Variants in HS1BP3 observed in about 807,000 individuals in gnomAD.
The protein encoded by HS1BP3 is HCLS1-binding protein 3.
In HS1BP3, 32 loss-of-function variants were observed where a neutral mutation model predicts 33.5. That is an observed-to-expected ratio of 0.95 (90% CI 0.72 to 1.28). HS1BP3 has a LOEUF of 1.28. Ranked by LOEUF, HS1BP3 falls within the 50% of genes most tolerant of loss-of-function variation. HS1BP3 has a pLI of 0.00. For missense variants in HS1BP3, 486 were observed against 502.3 expected, an observed-to-expected ratio of 0.97 and a Z score of 0.31; for synonymous variants, 187 against 209.2, an observed-to-expected ratio of 0.89 and a Z score of 0.92.
At chr2:20,649,945 A>T (rs1695637672) in intron 1 of HS1BP3, among the ~76,000 whole-genome samples, 1 of 152,230 alleles carries the variant, frequency 6.6e-6, no homozygotes, top group East Asian at 1.9e-4. Flanking sequence ...TGAGGGGCAT[A>T]TACTACTGAC....
At chr2:20,560,026 C>T (rs1162050079), downstream of HS1BP3, among the ~76,000 whole-genome samples, 6 of 152,154 alleles carry the variant, frequency 3.9e-5, no homozygotes, top group African/African-American at 1.4e-4. Context: ...AGTCAGCTTG[C>T]ACACTGGGGA....
At position 20,643,455 on chromosome 2, in the gene HS1BP3, TTA is replaced by T. The variant is rs1386130021; in HGVS notation, c.198+1883_198+1884del. Among the ~76,000 whole-genome samples, 9 of 152,282 alleles carry T rather than the reference TTA, an allele frequency of 5.9e-5. No individual in the cohort carries two copies. In the South Asian group the frequency reaches 1.9e-3, roughly 32 times the overall value. On this transcript the variant is annotated intron_variant, in intron 2 of 6. Coordinates refer to ENST00000304031, the MANE Select transcript of HS1BP3 (RefSeq NM_022460.4). The stretch of plus-strand genomic sequence containing the variant: ...GAGCTCCAACCTGGATCAAGTCAAA[TTA>T]CCAGGAGCTGCAAAGCACCCTGTAA...
chr2:20,606,369 A>G, intron 2 of HS1BP3: 1 of 462,762 alleles, frequency 2.2e-6, no homozygotes, highest in Non-Finnish European at 4.3e-6. Flanking sequence ...CAGTTTGATG[A>G]GTCCTTTGCT....
Position 20,618,812 on chromosome 2 carries a change from T to C in HS1BP3, c.*175A>G. On this transcript the variant is annotated 3_prime_UTR_variant, in exon 7 of 7. Transcript: ENST00000304031. ...TCCCGCAGCCCGCAGGCTTCTACTT[T>C]GGCCCCACAGCCCCGGAGAAAATGG... 1 of 1,417,952 alleles carries C rather than the reference T, an allele frequency of 7.1e-7. No individual in the cohort carries two copies. Among genetic ancestry groups the C allele is most frequent in the Non-Finnish European group, 9.2e-7 (1 of 1,091,032 alleles). The allele number at this position is 1,417,952 out of a possible 1,614,324, so 87.8% of individuals were successfully genotyped here. A position where few individuals can be genotyped will look rare whatever the true frequency, so the allele number is the denominator to read the frequency against.
intron 2 of HS1BP3, among the ~76,000 whole-genome samples, chr2:20,641,980 T>C (rs752368741): frequency 7.2e-5 from 11 of 152,220 alleles, no homozygotes; most frequent in Non-Finnish European, 1.6e-4. Context: ...TGTAACCATG[T>C]GGGTGCTCAG....
Position 20,624,842 on chromosome 2 carries a change from G to A in HS1BP3, c.674C>T (p.Ser225Leu), listed in dbSNP as rs566011144. Reference sequence around the variant, plus strand: ...CTCGTCAAAGATGGTGAGCCGGGGCGAGGGCTTGGCTTTCACGGCCACTTT... The same window carrying A: ...CTCGTCAAAGATGGTGAGCCGGGGCAAGGGCTTGGCTTTCACGGCCACTTT... ...HPKVAVKAKP[S>L]PRLTIFDEEV... is the part of the protein sequence containing the mutation. Residue 225 changes from serine (S) to leucine (L), a missense_variant, in exon 5 of 7, where the codon TCG becomes TTG. Ser to Leu is a moderately radical substitution (Grantham distance 145, BLOSUM62 -2). Coordinates refer to ENST00000304031, the MANE Select transcript of HS1BP3 (RefSeq NM_022460.4). 15 of 1,613,828 alleles carry A rather than the reference G, an allele frequency of 9.3e-6. No homozygotes were observed. The Admixed American group carries it at 1.2e-4, about 13-fold the overall frequency.
rs531190534 is a variant in HS1BP3 at position 20,567,471 on chromosome 2, C to T, written c.303-6956G>A. ...GTATCCCAGTCCCCATACCCACCCT[C>T]GCCCCTGCTGGTAAGTTCGTTAAGA... On this transcript the variant is annotated intron_variant, in intron 5 of 5. Coordinates refer to the HS1BP3 transcript ENST00000446825. Among the ~76,000 whole-genome samples the T allele has an allele frequency of 2.4e-4, 37 of 152,302 alleles. No homozygotes were observed. The East Asian group carries it at 2.9e-3, about 12-fold the overall frequency.
intron 4 of HS1BP3, among the ~76,000 whole-genome samples, chr2:20,627,666 G>A (rs1344810804): frequency 6.6e-6 from 1 of 152,160 alleles, no homozygotes; most frequent in Non-Finnish European, 1.5e-5. Flanking sequence ...GGCGGCTCCA[G>A]CAGGCATGGT....
At chr2:20,628,815 T>G (rs1316557930) in intron 4 of HS1BP3, among the ~76,000 whole-genome samples, 1 of 152,076 alleles carries the variant, frequency 6.6e-6, no homozygotes, top group Non-Finnish European at 1.5e-5. Context: ...GTACAGGACC[T>G]GAGAGTCACA....
intron 5 of HS1BP3, among the ~76,000 whole-genome samples, chr2:20,571,621 G>T (rs896318899): frequency 6.6e-6 from 1 of 152,216 alleles, no homozygotes; most frequent in African/African-American, 2.4e-5. Context: ...CAGCAGCAGA[G>T]AGAGATCTTC....
intron 2 of HS1BP3, among the ~76,000 whole-genome samples, chr2:20,605,798 C>T (rs997381558): frequency 3.3e-5 from 5 of 152,186 alleles, no homozygotes; most frequent in Non-Finnish European, 7.3e-5. Flanking sequence ...CTTTATGACT[C>T]AATAATATTC....
rs1558336511 is a variant in HS1BP3, at chr2:20,618,583, C to T, written c.*404G>A. 4 of 395,342 alleles carry T rather than the reference C, an allele frequency of 1.0e-5. No homozygotes were observed. The Admixed American group carries it at 1.6e-4, about 16-fold the overall frequency. 24.5% of individuals were successfully genotyped at this position (395,342 alleles called of 1,614,324 possible). A position where few individuals can be genotyped will look rare whatever the true frequency, so the allele number is the denominator to read the frequency against. On this transcript the variant is annotated 3_prime_UTR_variant, in exon 7 of 7. Transcript: ENST00000304031. ...GCAGAGGAGGGATAGAGGCCCAGCC[C>T]CAGTTTGGGTCTGTGCTGGGGCTGG...
chr2:20,605,258 A>C (rs1178490797), intron 2 of HS1BP3, among the ~76,000 whole-genome samples: 1 of 152,046 alleles, frequency 6.6e-6, no homozygotes, highest in Non-Finnish European at 1.5e-5. Flanking sequence ...TCATCTATAG[A>C]CACAGGTTGC....
rs753102297 is a variant in HS1BP3 at position 20,618,972 on chromosome 2, G to A, written c.*15C>T. The A allele has an allele frequency of 1.9e-6, 3 of 1,608,450 alleles. No homozygotes were observed. Among genetic ancestry groups the A allele is most frequent in the African/African-American group, 1.3e-5 (1 of 74,844 alleles). On this transcript the variant is annotated 3_prime_UTR_variant, in exon 7 of 7. Transcript: ENST00000304031. ...CACAGACAGGCCTGCTGGGCCAGGG[G>A]CCAGCATGGAAGGGTCAGAAGAGGC...
At chr2:20,567,246 C>A (rs1193697335) in intron 5 of HS1BP3, among the ~76,000 whole-genome samples, 3 of 152,020 alleles carry the variant, frequency 2.0e-5, no homozygotes, top group Admixed American at 2.0e-4. Flanking sequence ...ATATGGGTGA[C>A]CCCCGGACTC....
intron 5 of HS1BP3, among the ~76,000 whole-genome samples, chr2:20,572,957 C>A (rs971668288): frequency 6.6e-6 from 1 of 152,168 alleles, no homozygotes; most frequent in Non-Finnish European, 1.5e-5. Flanking sequence ...TCCCCAGGGC[C>A]ACAGCCTACT....
intron 3 of HS1BP3, 82 bp from the exon 4 acceptor site, chr2:20,638,734 T>A: frequency 9.1e-7 from 1 of 1,099,746 alleles, no homozygotes. Flanking sequence ...CACCCTCCCA[T>A]GCCAGGATCT....
chr2:20,558,335 T>C (rs1419659084), downstream of HS1BP3, among the ~76,000 whole-genome samples: 2 of 152,176 alleles, frequency 1.3e-5, no homozygotes, highest in African/African-American at 4.8e-5. Context: ...CCAGGGAGGC[T>C]GAACCGCTTG....
At chr2:20,632,637 C>G (rs1326552670) in intron 4 of HS1BP3, among the ~76,000 whole-genome samples, 1 of 152,222 alleles carries the variant, frequency 6.6e-6, no homozygotes, top group Admixed American at 6.5e-5. Context: ...CTTGCCAGAA[C>G]TTGCCACAAC....
Sources: allele counts gnomAD v4.1 joint callset (sites outside exome capture counted in the v4.1 genomes callset), GRCh38; gene constraint gnomAD v4.1.1; transcripts MANE v1.5; gene names NCBI Gene and HGNC (gene_info 2026-07-23, HGNC 2026-07-21).